UBE2O: variants seen among roughly 807,000 people sequenced by gnomAD.
The protein encoded by UBE2O is ubiquitin conjugating enzyme E2 O, also known as (E3-independent) E2 ubiquitin-conjugating enzyme.
Under a neutral mutation model 125.8 loss-of-function variants are expected in UBE2O, and 15 were observed. The ratio of observed to expected loss-of-function variants is 0.12; its 90% CI spans 0.08 to 0.18. The LOEUF (loss-of-function observed/expected upper bound fraction) is 0.18, where lower values mean the gene tolerates loss of function less well. Among genes scored for constraint, UBE2O ranks in the 10% least tolerant of loss-of-function variants. UBE2O has a pLI of 1.00. For synonymous variants in UBE2O, 708 were observed against 703.2 expected (o/e 1.01, Z -0.11); for missense variants, 1,280 against 1,723.6 (o/e 0.74, Z 4.56).
intron 1 of UBE2O, among the ~76,000 whole-genome samples, chr17:76,443,328 G>A (rs770718708): frequency 1.3e-5 from 2 of 151,978 alleles, no homozygotes; most frequent in African/African-American, 2.4e-5. Flanking sequence ...TCACTCTGTC[G>A]CCCAGGCTGG....
At chr17:76,428,893 C>G (rs191885174) in intron 1 of UBE2O, among the ~76,000 whole-genome samples, 1 of 151,602 alleles carries the variant, frequency 6.6e-6, no homozygotes, top group Non-Finnish European at 1.5e-5. Context: ...TAGAGGGGAC[C>G]CCTCTACTAT....
chr17:76,410,937 G>A lies in UBE2O; in HGVS notation c.418-5365C>T, dbSNP rs2072504474. 6.7e-6 allele frequency among the ~76,000 whole-genome samples: 1 copy of A among 150,122 alleles called. No individual in the cohort carries two copies. The highest frequency in any genetic ancestry group is 1.5e-5 in the Non-Finnish European group (1 of 67,672). On this transcript the variant is annotated intron_variant, in intron 1 of 17. Transcript: ENST00000319380. The surrounding 1 kb of genome is among the most constrained non-coding windows in gnomAD (Gnocchi z 4.0). ...TGACCAGGTGGAATCCAAATTCACT[G>A]TATAAAGTGATCCAGGAATAGAAAA...
intron 1 of UBE2O, among the ~76,000 whole-genome samples, chr17:76,434,811 AAAC>A (rs57947064): frequency 1.3e-5 from 2 of 151,876 alleles, no homozygotes; most frequent in African/African-American, 2.4e-5. Context: ...ACAAACAAAA[AAAC>A]AACTTTGTCT....
At chr17:76,426,345 C>G (rs967702777) in intron 1 of UBE2O, among the ~76,000 whole-genome samples, 9 of 152,160 alleles carry the variant, frequency 5.9e-5, no homozygotes, top group Non-Finnish European at 1.3e-4. Context: ...GGGCTGGATA[C>G]GGAATTCTCT....
intron 1 of UBE2O, among the ~76,000 whole-genome samples, chr17:76,436,297 C>T (rs1463606937): frequency 2.0e-5 from 3 of 152,058 alleles, no homozygotes; most frequent in Non-Finnish European, 2.9e-5. Flanking sequence ...CTAGAACAGC[C>T]ATCCACTGAA....
chr17:76,400,817 G>A lies in UBE2O; in HGVS notation c.894+194C>T, dbSNP rs1199037365. ...TTGCTCAGCCTGTACAGGCTGGGCT[G>A]GGGCACATCTGTCTTTTGGTCACTA... On this transcript the variant is annotated intron_variant, in intron 6 of 17. Transcript: ENST00000319380. The surrounding 1 kb of genome is among the most constrained non-coding windows in gnomAD (Gnocchi z 4.3). Among the ~76,000 whole-genome samples the A allele has an allele frequency of 6.6e-6, 1 of 152,206 alleles. No individual in the cohort carries two copies. The highest frequency in any genetic ancestry group is 2.4e-5 in the African/African-American group (1 of 41,432).
In UBE2O at chr17:76,410,530, C is replaced by T. The variant is rs931074778; in HGVS notation, c.418-4958G>A. On this transcript the variant is annotated intron_variant, in intron 1 of 17. Transcript: ENST00000319380. The surrounding 1 kb of genome is among the most constrained non-coding windows in gnomAD (Gnocchi z 4.0). ...CTCTGGAGACGCAGGTGCTGAGACC[C>T]GAACAATGGCAGAGAAGGTGGGTCT... is the stretch of plus-strand genomic sequence containing the variant. 1.2e-4 allele frequency among the ~76,000 whole-genome samples: 18 copies of T among 152,082 alleles called. No homozygotes were observed. Among genetic ancestry groups the T allele is most frequent in the South Asian group, 2.1e-4 (1 of 4,818 alleles).
intron 1 of UBE2O, among the ~76,000 whole-genome samples, chr17:76,439,918 T>C (rs1480096572): frequency 6.6e-6 from 1 of 152,202 alleles, no homozygotes. Context: ...GCATCAGTCA[T>C]TCACCCACTA....
rs1195993293 is a variant in UBE2O at position 76,392,029 on chromosome 17, T to C, written c.3031A>G (p.Ile1011Val). 1 of 1,578,452 alleles carries C rather than the reference T, an allele frequency of 6.3e-7. No homozygotes were observed. The highest frequency in any genetic ancestry group is 2.0e-5 in the Admixed American group (1 of 51,106). Residue 1011 changes from isoleucine (I) to valine (V), a missense_variant, in exon 16 of 18, where the codon ATC (isoleucine) becomes GTC (valine). Physicochemically the swap from Ile to Val is conservative, Grantham distance 29 (BLOSUM62 3). Around this residue, in one of 10 missense-constraint regions of UBE2O, gnomAD observed 37 missense variants for 115.6 expected, o/e 0.32. Coordinates refer to ENST00000319380, the MANE Select transcript of UBE2O (RefSeq NM_022066.4). ...LYLFDIQLPN[I>V]YPAVPPHFCY... ...AAGTGGGGGGGCACGGCTGGGTAGA[T>C]GTTGGGGAGCTGGATGTCAAACAAG... is the stretch of plus-strand genomic sequence containing the variant.
chr17:76,400,330 T>TG lies in UBE2O; in HGVS notation c.1005-34dup, dbSNP rs767432939. 120 of 1,609,432 alleles carry TG rather than the reference T, an allele frequency of 7.5e-5. No homozygotes were observed. The highest frequency in any genetic ancestry group is 1.0e-4 in the Non-Finnish European group (120 of 1,176,940). ...GGGAAGAAGTGGGGGTGAGCTGGGC[T>TG]GGACTCCTGGGAGGCCAGCAGTGTT... On this transcript the variant is annotated intron_variant, in intron 7 of 17. Coordinates refer to ENST00000319380, the MANE Select transcript of UBE2O (RefSeq NM_022066.4). This position sits in a 1 kb window ranked among gnomAD's most constrained non-coding sequence, Gnocchi z 4.3.
intron 1 of UBE2O, among the ~76,000 whole-genome samples, chr17:76,447,871 C>T (rs1164856262): frequency 6.6e-6 from 1 of 152,196 alleles, no homozygotes; most frequent in African/African-American, 2.4e-5. Context: ...ACAGGGCTGG[C>T]TCTCTCTGAC....
rs1229757378 is a variant in UBE2O, at chr17:76,405,461, C to T, written c.477+52G>A. ...AGTGCGAGGTGGGCAGGCTCAAGTCCCTAAGGTGGCTGCCCCCAGGCCCGG... is the reference window on the plus strand; with the variant it reads ...AGTGCGAGGTGGGCAGGCTCAAGTCTCTAAGGTGGCTGCCCCCAGGCCCGG... On this transcript the variant is annotated intron_variant, in intron 2 of 17. Transcript: ENST00000319380. This position sits in a 1 kb window ranked among gnomAD's most constrained non-coding sequence, Gnocchi z 6.1. 1.3e-6 allele frequency: 2 copies of T among 1,566,974 alleles called. No individual in the cohort carries two copies. The highest frequency in any genetic ancestry group is 1.2e-5 in the South Asian group (1 of 86,580).
chr17:76,440,623 T>C (rs1387366720), intron 1 of UBE2O, among the ~76,000 whole-genome samples: 1 of 152,242 alleles, frequency 6.6e-6, no homozygotes, highest in Non-Finnish European at 1.5e-5. Context: ...CCACCATGCC[T>C]GGCCTCTATT....
chr17:76,398,735 T>C lies in UBE2O; in HGVS notation c.1783+102A>G. Reference sequence around the variant, plus strand: ...GAGGGCAGTCCCCTTCTGGACCTCATTTTAGCTCTGACCCCAGATCCACTG... The same window carrying C: ...GAGGGCAGTCCCCTTCTGGACCTCACTTTAGCTCTGACCCCAGATCCACTG... On this transcript the variant is annotated intron_variant, in intron 10 of 17. Coordinates refer to ENST00000319380, the MANE Select transcript of UBE2O (RefSeq NM_022066.4). This position sits in a 1 kb window ranked among gnomAD's most constrained non-coding sequence, Gnocchi z 5.4. The C allele has an allele frequency of 6.6e-7, 1 of 1,521,546 alleles. No individual in the cohort carries two copies. Among genetic ancestry groups the C allele is most frequent in the Non-Finnish European group, 8.9e-7 (1 of 1,118,402 alleles). The allele number at this position is 1,521,546 out of a possible 1,614,324, so 94.3% of individuals were successfully genotyped here.
At chr17:76,432,615 AAC>A (rs1209184948) in intron 1 of UBE2O, among the ~76,000 whole-genome samples, 1 of 152,178 alleles carries the variant, frequency 6.6e-6, no homozygotes, top group Non-Finnish European at 1.5e-5. Flanking sequence ...GTTAAATCCC[AAC>A]ATAATGCAAA....
rs1384335594 is a variant in UBE2O, at chr17:76,400,588, C to T, written c.895-38G>A. On this transcript the variant is annotated intron_variant, in intron 6 of 17. Coordinates refer to ENST00000319380, the MANE Select transcript of UBE2O (RefSeq NM_022066.4). The surrounding 1 kb of genome is among the most constrained non-coding windows in gnomAD (Gnocchi z 4.3). ...GGTGGGACACGCCAGTCAGGGCAGG[C>T]TCTGACAGCACTCTCTTTAGCCAGC... The T allele has an allele frequency of 2.1e-6, 3 of 1,454,916 alleles. No homozygotes were observed. Among genetic ancestry groups the T allele is most frequent in the Admixed American group, 3.7e-5 (2 of 54,070 alleles). The allele number at this position is 1,454,916 out of a possible 1,614,324, so 90.1% of individuals were successfully genotyped here.
chr17:76,448,779 C>T (rs1271224726), intron 1 of UBE2O, among the ~76,000 whole-genome samples: 2 of 152,260 alleles, frequency 1.3e-5, no homozygotes, highest in African/African-American at 4.8e-5. Context: ...GAAGGACCCA[C>T]CACGTCTAGC....
chr17:76,396,311 C>T lies in UBE2O; in HGVS notation c.2626G>A (p.Glu876Lys), dbSNP rs755110422. The T allele has an allele frequency of 1.2e-6, 2 of 1,614,244 alleles. No individual in the cohort carries two copies. Residue 876 changes from glutamate (E) to lysine (K), a missense_variant, in exon 14 of 18, where the codon GAG becomes AAG. By Grantham distance (56) the Glu-to-Lys change is moderately conservative (BLOSUM62 1). Around this residue, in one of 10 missense-constraint regions of UBE2O, gnomAD observed 116 missense variants for 154.8 expected, o/e 0.75. Coordinates refer to ENST00000319380, the MANE Select transcript of UBE2O (RefSeq NM_022066.4). The surrounding 1 kb of genome is among the most constrained non-coding windows in gnomAD (Gnocchi z 6.7). Reference protein sequence around the residue: ...KTLDNVAIVEEEKMEAVPDVE... With the variant: ...KTLDNVAIVEKEKMEAVPDVE... Reference sequence around the variant, plus strand: ...TCGGGCACTGCTTCCATCTTCTCCTCCTCTACAATGGCCACATTGTCCAGG... The same window carrying T: ...TCGGGCACTGCTTCCATCTTCTCCTTCTCTACAATGGCCACATTGTCCAGG...
In UBE2O at chr17:76,398,964, C is replaced by T; in HGVS notation, c.1656G>A (p.Met552Ile). The change falls in exon 10 of 18, where the codon ATG becomes ATA. Residue 552 changes from methionine to isoleucine, a missense_variant. Transcript: ENST00000319380. This position sits in a 1 kb window ranked among gnomAD's most constrained non-coding sequence, Gnocchi z 5.4. Reference sequence around the variant, plus strand: ...CCTGCCACATCACGTCGGCTGAGGTCATCGTGGTCACCACCTCCACTGCCA... The same window carrying T: ...CCTGCCACATCACGTCGGCTGAGGTTATCGTGGTCACCACCTCCACTGCCA... ...DRVAVEVVTT[M>I]TSADVMWQDG... 1 of 1,614,016 alleles carries T rather than the reference C, an allele frequency of 6.2e-7. No homozygotes were observed. Among genetic ancestry groups the T allele is most frequent in the South Asian group, 1.1e-5 (1 of 91,056 alleles).
Sources: allele counts gnomAD v4.1 joint callset (sites outside exome capture counted in the v4.1 genomes callset), GRCh38; gene constraint gnomAD v4.1.1; regional missense constraint gnomAD v4.1.1; non-coding constraint Gnocchi (gnomAD v3.1); transcripts MANE v1.5; gene names NCBI Gene and HGNC (gene_info 2026-07-23, HGNC 2026-07-21).